The following VOPP1 variants were observed in gnomAD, a reference collection of about 807,000 sequenced individuals.
VOPP1 encodes WW domain binding protein VOPP1.
Under a neutral mutation model 23.5 loss-of-function variants are expected in VOPP1, and 8 were observed. The ratio of observed to expected loss-of-function variants is 0.34; its 90% CI spans 0.20 to 0.61. The LOEUF is 0.61. Among genes scored for constraint, VOPP1 ranks in the 20% least tolerant of loss-of-function variants. The pLI, the probability that VOPP1 is intolerant of heterozygous loss-of-function variation, is 0.78. For missense variants in VOPP1, 174 were observed against 238.1 expected (o/e 0.73, Z 1.77); for synonymous variants, 83 against 97.3 (o/e 0.85, Z 0.86).
intron 4 of VOPP1, among the ~76,000 whole-genome samples, chr7:55,454,223 C>T (rs922132727): frequency 6.6e-6 from 1 of 152,178 alleles, no homozygotes; most frequent in African/African-American, 2.4e-5. Flanking sequence ...TTTCTGGACA[C>T]ATACACCCTC....
At chr7:55,482,628 C>A (rs1438014459) in intron 4 of VOPP1, among the ~76,000 whole-genome samples, 1 of 151,962 alleles carries the variant, frequency 6.6e-6, no homozygotes, top group African/African-American at 2.4e-5. Flanking sequence ...CGTGAGCCAC[C>A]GCGTCCGGCC....
intron 4 of VOPP1, among the ~76,000 whole-genome samples, chr7:55,473,392 G>A (rs529914424): frequency 5.5e-4 from 83 of 152,196 alleles, no homozygotes; most frequent in Non-Finnish European, 1.1e-3. Flanking sequence ...TGGCATTATC[G>A]CAGGAGCTCC....
rs375153135 is a variant in VOPP1, at chr7:55,572,071, C to A, written c.54+200G>T. Among the ~76,000 whole-genome samples the A allele has an allele frequency of 2.4e-4, 37 of 152,206 alleles. No individual in the cohort carries two copies. The East Asian group carries it at 6.7e-3, about 27-fold the overall frequency. On this transcript the variant is annotated intron_variant, in intron 1 of 4. Transcript: ENST00000285279. ...CGAAAACCGAAGGAACGACGGAAGG[C>A]GCGGACCGGGGCGGGAGCCTCCCCG...
chr7:55,503,774 C>G (rs970072613), intron 2 of VOPP1, among the ~76,000 whole-genome samples: 1 of 152,146 alleles, frequency 6.6e-6, no homozygotes, highest in African/African-American at 2.4e-5. Context: ...ACAGTGCCTA[C>G]GAACCACGGA....
intron 1 of VOPP1, chr7:55,552,519 T>C: frequency 1.4e-6 from 2 of 1,434,460 alleles, no homozygotes; most frequent in Non-Finnish European, 1.9e-6. Flanking sequence ...TCTCCATGCT[T>C]ACACATGCCC....
At chr7:55,444,278 C>T (rs1791042239) in intron 4 of VOPP1, among the ~76,000 whole-genome samples, 1 of 152,184 alleles carries the variant, frequency 6.6e-6, no homozygotes, top group African/African-American at 2.4e-5. Context: ...TATGTCCTCA[C>T]CTTGACTAGT....
At chr7:55,468,669 G>A (rs560476917), downstream of VOPP1, among the ~76,000 whole-genome samples, 55 of 152,368 alleles carry the variant, frequency 3.6e-4, no homozygotes, top group East Asian at 2.5e-3. Flanking sequence ...GTGCCTGGGC[G>A]GGGCCGCGTC....
chr7:55,563,963 G>C (rs969750528), intron 1 of VOPP1, among the ~76,000 whole-genome samples: 2 of 152,178 alleles, frequency 1.3e-5, no homozygotes, highest in African/African-American at 4.8e-5. Context: ...AAATGAGAAG[G>C]AAAGAAAGGA....
At chr7:55,499,175 G>A (rs1794189414) in intron 2 of VOPP1, among the ~76,000 whole-genome samples, 2 of 152,064 alleles carry the variant, frequency 1.3e-5, no homozygotes, top group African/African-American at 2.4e-5. Flanking sequence ...GGTCCTGGCC[G>A]GGTGCAGTGG....
chr7:55,565,085 T>A lies in VOPP1; in HGVS notation c.54+7186A>T, dbSNP rs1367029280. Among the ~76,000 whole-genome samples, 5 of 152,124 alleles carry A rather than the reference T, an allele frequency of 3.3e-5. No homozygotes were observed. The East Asian group carries it at 9.6e-4, about 29-fold the overall frequency. ...GTATATAGCTGTACTTCCTGAAATT[T>A]TATATATATATGTATTAGTCACTGC... On this transcript the variant is annotated intron_variant, in intron 1 of 4. Coordinates refer to ENST00000285279, the MANE Select transcript of VOPP1 (RefSeq NM_030796.5).
chr7:55,490,026 G>T (rs936909208), intron 4 of VOPP1, among the ~76,000 whole-genome samples: 1 of 152,050 alleles, frequency 6.6e-6, no homozygotes, highest in African/African-American at 2.4e-5. Flanking sequence ...ACTAGAGAGA[G>T]GAGGTCGCTC....
chr7:55,537,426 T>A, intron 1 of VOPP1: 1 of 1,529,126 alleles, frequency 6.5e-7, no homozygotes, highest in Non-Finnish European at 8.8e-7. Flanking sequence ...CCCACCATGC[T>A]CTTCTTTCCC....
In VOPP1 at chr7:55,445,244, GACAC is replaced by G. The variant is rs202053072; in HGVS notation, n.418-9074_418-9071del. Among the ~76,000 whole-genome samples the G allele has an allele frequency of 2.4e-3, 292 of 121,484 alleles. 3 individuals are homozygous for G. Among genetic ancestry groups the G allele is most frequent in the African/African-American group, 7.9e-3 (228 of 28,740 alleles). 79.7% of individuals were successfully genotyped at this position (121,484 alleles called of 152,430 possible). ...ACACACACACAGACACACACACACA[GACAC>G]ACACACACACACACAGACATACACA... On this transcript the variant is annotated intron_variant and non_coding_transcript_variant, in intron 4 of 4. Transcript: ENST00000462326.
At chr7:55,470,503 C>A (rs1369150116), downstream of VOPP1, 1 of 152,152 alleles carries the variant, frequency 6.6e-6, no homozygotes, top group Non-Finnish European at 1.5e-5. Context: ...CCAGGTGCAT[C>A]CTCCACCCAC....
chr7:55,455,241 A>G (rs1403253093), intron 4 of VOPP1, among the ~76,000 whole-genome samples: 1 of 152,216 alleles, frequency 6.6e-6, no homozygotes, highest in East Asian at 1.9e-4. Flanking sequence ...CTAGGAATAC[A>G]ACTTACAAGG....
intron 1 of VOPP1, chr7:55,538,769 G>T: frequency 1.1e-6 from 1 of 903,010 alleles, no homozygotes; most frequent in Non-Finnish European, 1.6e-6. Flanking sequence ...GGGGAATGCT[G>T]TGGGTTTGAG....
intron 4 of VOPP1, among the ~76,000 whole-genome samples, chr7:55,488,457 C>G (rs943447990): frequency 6.6e-6 from 1 of 152,156 alleles, no homozygotes; most frequent in African/African-American, 2.4e-5. Flanking sequence ...ACCTCTGAAC[C>G]TCAGCCTCCT....
At chr7:55,442,345 G>A (rs1420079614) in intron 4 of VOPP1, among the ~76,000 whole-genome samples, 3 of 152,200 alleles carry the variant, frequency 2.0e-5, no homozygotes, top group Non-Finnish European at 2.9e-5. Context: ...TATGAGAGTG[G>A]ACTGGAGAGT....
intron 1 of VOPP1, among the ~76,000 whole-genome samples, chr7:55,534,351 G>A (rs181555929): frequency 2.6e-5 from 4 of 152,256 alleles, no homozygotes; most frequent in African/African-American, 7.2e-5. Context: ...GTCTCAGCTA[G>A]TGCAAGGTCC....
Sources: allele counts gnomAD v4.1 joint callset (sites outside exome capture counted in the v4.1 genomes callset), GRCh38; gene constraint gnomAD v4.1.1; transcripts MANE v1.5; gene names NCBI Gene and HGNC (gene_info 2026-07-23, HGNC 2026-07-21).